RTL4: variants seen among roughly 807,000 people sequenced by gnomAD.
RTL4 encodes retrotransposon Gag-like protein 4.
RTL4 carries 4 observed loss-of-function variants against 5.3 expected under a neutral mutation model. That is an observed-to-expected ratio of 0.75 (90% CI 0.37 to 1.72). The LOEUF (loss-of-function observed/expected upper bound fraction) is 1.72. Ranked by LOEUF, RTL4 falls within the 40% of genes most tolerant of loss-of-function variation. The probability of loss-of-function intolerance (pLI) is 0.04; values close to 1 mark genes in which losing one functional copy is unlikely to be tolerated. For missense variants in RTL4, 260 were observed against 227.1 expected (o/e 1.14, Z -0.93); for synonymous variants, 98 against 87.3 (o/e 1.12, Z -0.68).
At chrX:112,205,924 T>A in the RTL4 span, among the ~76,000 whole-genome samples, 1 of 112,179 alleles carries the variant, frequency 8.9e-6, no homozygotes, top group Non-Finnish European at 1.9e-5. Context: ...TTTTAGGATA[T>A]GTTCTTTAAA....
the RTL4 span, among the ~76,000 whole-genome samples, chrX:112,262,549 T>C: frequency 4.5e-5 from 5 of 111,729 alleles, no homozygotes; most frequent in Admixed American, 4.7e-4. Context: ...AAACAACAGG[T>C]GCTGGAGAGG....
At chrX:112,151,700 A>G in the RTL4 span, among the ~76,000 whole-genome samples, 3 of 111,881 alleles carry the variant, frequency 2.7e-5, no homozygotes, top group Admixed American at 1.9e-4. Context: ...GGTGAGTTTA[A>G]TTTATTCCTA....
At chrX:112,154,849 T>C in the RTL4 span, among the ~76,000 whole-genome samples, 2 of 111,867 alleles carry the variant, frequency 1.8e-5, no homozygotes, top group East Asian at 5.6e-4. Flanking sequence ...GCATGACTGC[T>C]ATGGTCTGAA....
the RTL4 span, among the ~76,000 whole-genome samples, chrX:112,218,743 C>T: frequency 1.8e-5 from 2 of 111,562 alleles, no homozygotes; most frequent in African/African-American, 6.5e-5. Context: ...CTGTTAGATA[C>T]GAGACTATTA....
At chrX:112,128,439 G>A in the RTL4 span, among the ~76,000 whole-genome samples, 14 of 110,838 alleles carry the variant, frequency 1.3e-4, no homozygotes, top group African/African-American at 4.2e-4. Context: ...CGAGGCGGGC[G>A]GATTATCTGA....
chrX:112,107,942 A>G, the RTL4 span, among the ~76,000 whole-genome samples: 7 of 110,425 alleles, frequency 6.3e-5, no homozygotes, highest in South Asian at 2.6e-3. Context: ...TACCTCTAAC[A>G]TTTGCTCTAT....
At chrX:112,169,053 T>TTTC in the RTL4 span, among the ~76,000 whole-genome samples, 1 of 37,200 alleles carries the variant, frequency 2.7e-5, no homozygotes, top group Non-Finnish European at 5.3e-5. Flanking sequence ...TCTTTCTTTC[T>TTTC]TTCTTTCTTT....
At chrX:112,247,413 G>GT in the RTL4 span, among the ~76,000 whole-genome samples, 1 of 111,741 alleles carries the variant, frequency 8.9e-6, no homozygotes, top group Non-Finnish European at 1.9e-5. Flanking sequence ...CCAGTCCTTG[G>GT]TAAGTGGTTT....
chrX:112,455,627 C>A, exon 1 of RTL4: 3 of 1,209,484 alleles, frequency 2.5e-6, no homozygotes, highest in Non-Finnish European at 3.4e-6. Flanking sequence ...CGTTCTCGAG[C>A]TCCGGCAACG....
chrX:112,255,886 G>A, the RTL4 span, among the ~76,000 whole-genome samples: 1 of 111,669 alleles, frequency 9.0e-6, no homozygotes, highest in Non-Finnish European at 1.9e-5. Context: ...GAAATGAAAT[G>A]ACCGTAATAC....
At chrX:112,361,589 T>C in the RTL4 span, among the ~76,000 whole-genome samples, 1 of 111,129 alleles carries the variant, frequency 9.0e-6, no homozygotes, top group South Asian at 3.8e-4. Context: ...ATGGGGTTTC[T>C]TTCTTTCTCC....
chrX:112,251,092 G>C, the RTL4 span, among the ~76,000 whole-genome samples: 1 of 111,716 alleles, frequency 9.0e-6, no homozygotes, highest in South Asian at 3.7e-4. Context: ...TCCTCAAAAA[G>C]ATTACCTTCA....
chrX:112,426,736 CA>C, the RTL4 span, among the ~76,000 whole-genome samples: 3 of 110,599 alleles, frequency 2.7e-5, no homozygotes, highest in Admixed American at 2.9e-4. Flanking sequence ...ATATCACCTG[CA>C]AAAAAAGAAG....
the RTL4 span, among the ~76,000 whole-genome samples, chrX:112,120,177 T>C: frequency 8.9e-6 from 1 of 112,616 alleles, no homozygotes; most frequent in African/African-American, 3.2e-5. Flanking sequence ...TTTTCAAGGA[T>C]ACTTTATGTA....
At chrX:112,185,376 AAT>A in the RTL4 span, among the ~76,000 whole-genome samples, 1,695 of 85,216 alleles carry the variant, frequency 0.02, 27 homozygotes, top group African/African-American at 0.054. Context: ...CTATTTTATT[AAT>A]ATATATATAT....
At chrX:112,281,230 A>T in the RTL4 span, among the ~76,000 whole-genome samples, 1 of 111,736 alleles carries the variant, frequency 8.9e-6, no homozygotes, top group African/African-American at 3.2e-5. Flanking sequence ...TATGAGTTTG[A>T]TCCTGTGGCA....
chrX:112,379,276 T>C, the RTL4 span, among the ~76,000 whole-genome samples: 37,821 of 110,799 alleles, frequency 0.34, 6,747 homozygotes, highest in African/African-American at 0.69. Context: ...TAGTATACAC[T>C]CTAAATCAAT....
At chrX:112,434,467 T>G in the RTL4 span, among the ~76,000 whole-genome samples, 1 of 111,388 alleles carries the variant, frequency 9.0e-6, no homozygotes, top group Admixed American at 9.5e-5. Flanking sequence ...CTTGGGAGGG[T>G]GTATGTGTCG....
the RTL4 span, among the ~76,000 whole-genome samples, chrX:112,242,978 C>T: frequency 4.5e-5 from 5 of 111,438 alleles, no homozygotes; most frequent in Non-Finnish European, 9.4e-5. Context: ...GTTCTGTTTA[C>T]ATGATGGATT....
Sources: allele counts gnomAD v4.1 joint callset (sites outside exome capture counted in the v4.1 genomes callset), GRCh38; gene constraint gnomAD v4.1.1; transcripts MANE v1.5; gene names NCBI Gene and HGNC (gene_info 2026-07-23, HGNC 2026-07-21).